Variants in ZNF469 observed in about 807,000 individuals in gnomAD.
The protein encoded by ZNF469 is zinc finger protein 469.
A neutral mutation model predicts 1.0 loss-of-function variants in ZNF469; 1 was observed. That is an observed-to-expected ratio of 1.00 (90% CI 0.35 to 4.73). ZNF469 has a LOEUF of 4.73. Among genes scored for constraint, ZNF469 ranks in the 30% most tolerant of loss-of-function variants. ZNF469 has a pLI of 0.16. For synonymous variants in ZNF469, 2,703 were observed against 2,363.4 expected (o/e 1.14, Z -4.17); for missense variants, 6,100 against 5,356.3 (o/e 1.14, Z -4.33).
At chr16:88,220,340 G>GGTTTT in the ZNF469 span, among the ~76,000 whole-genome samples, 1 of 152,200 alleles carries the variant, frequency 6.6e-6, no homozygotes, top group Non-Finnish European at 1.5e-5. Context: ...AAAACCTGGA[G>GGTTTT]AATTGTTTGT....
the ZNF469 span, among the ~76,000 whole-genome samples, chr16:88,343,428 G>A: frequency 1.8e-4 from 28 of 152,294 alleles, no homozygotes; most frequent in Admixed American, 1.4e-3. Flanking sequence ...AGAGCCGCCC[G>A]CCCACATGCA....
At position 88,430,950 on chromosome 16, in the gene ZNF469, G is replaced by C. The variant is rs747150324; in HGVS notation, c.3480G>C (p.Gly1160=). 229 of 1,535,812 alleles carry C rather than the reference G, an allele frequency of 1.5e-4. No individual in the cohort carries two copies. In the African/African-American group the frequency reaches 3.0e-3, roughly 20 times the overall value. Residue 1160 remains glycine, a synonymous_variant, in exon 3 of 3, where the codon GGG becomes GGC. Transcript: ENST00000565624. ...GAPANPEEPG[G]SRPGPGRSPQ... ...CCGCGAACCCCGAGGAGCCGGGCGG[G>C]TCTCGCCCGGGCCCCGGCAGGAGCC...
At chr16:88,260,583 CTT>C in the ZNF469 span, among the ~76,000 whole-genome samples, 1 of 152,160 alleles carries the variant, frequency 6.6e-6, no homozygotes, top group African/African-American at 2.4e-5. The surrounding 1 kb of genome is among the most constrained non-coding windows in gnomAD (Gnocchi z 4.1). Flanking sequence ...GGGCTTTACT[CTT>C]TTACAAAACT....
the ZNF469 span, among the ~76,000 whole-genome samples, chr16:88,309,097 G>A: frequency 0.029 from 4,396 of 152,234 alleles, 216 homozygotes; most frequent in East Asian, 0.16. Context: ...CTCCTGCCCC[G>A]GTTTTCTCAC....
chr16:88,169,846 C>T, the ZNF469 span, among the ~76,000 whole-genome samples: 2 of 152,234 alleles, frequency 1.3e-5, no homozygotes, highest in Non-Finnish European at 2.9e-5. This position sits in a 1 kb window ranked among gnomAD's most constrained non-coding sequence, Gnocchi z 6.1. Context: ...GGCCCCTCCG[C>T]CTCTGGCACA....
chr16:88,269,223 C>G, the ZNF469 span, among the ~76,000 whole-genome samples: 1 of 152,298 alleles, frequency 6.6e-6, no homozygotes, highest in Non-Finnish European at 1.5e-5. Context: ...CTGGGGCAAG[C>G]TGCATAATTT....
At chr16:88,241,600 G>A in the ZNF469 span, among the ~76,000 whole-genome samples, 4 of 152,248 alleles carry the variant, frequency 2.6e-5, no homozygotes, top group Admixed American at 6.5e-5. This position sits in a 1 kb window ranked among gnomAD's most constrained non-coding sequence, Gnocchi z 4.8. Flanking sequence ...GTCCTGGCAG[G>A]CGCTTGCAGA....
At chr16:88,129,812 C>T in the ZNF469 span, among the ~76,000 whole-genome samples, 160 of 152,334 alleles carry the variant, frequency 1.1e-3, no homozygotes, top group African/African-American at 3.2e-3. Flanking sequence ...GAGCCAAGAT[C>T]GTGCCATTGC....
Position 88,433,921 on chromosome 16 carries a change from C to A in ZNF469, c.6451C>A (p.Pro2151Thr), listed in dbSNP as rs1906380787. The A allele has an allele frequency of 1.9e-6, 3 of 1,549,452 alleles. No homozygotes were observed. The highest frequency in any genetic ancestry group is 2.6e-6 in the Non-Finnish European group (3 of 1,146,354). Residue 2151 changes from proline to threonine, a missense_variant, in exon 3 of 3, where the codon CCA becomes ACA. Transcript: ENST00000565624. The stretch of plus-strand genomic sequence containing the variant: ...CCAAGGTGGGCTGGGGGGGCAGCTG[C>A]CAGCATCTCCGTCCTGCAGGGACCC... The part of the protein sequence containing the change: ...RAQGGLGGQL[P>T]ASPSCRDPPG...
the ZNF469 span, among the ~76,000 whole-genome samples, chr16:88,239,715 A>T: frequency 0.02 from 136 of 6,754 alleles, 8 homozygotes; most frequent in African/African-American, 0.091. Flanking sequence ...ATATATATAT[A>T]TTTTTTTTTT....
At chr16:88,326,407 T>C in the ZNF469 span, among the ~76,000 whole-genome samples, 1 of 152,202 alleles carries the variant, frequency 6.6e-6, no homozygotes. Flanking sequence ...ACCTCTTTCT[T>C]TTGTAAGTTG....
At chr16:88,143,912 G>A in the ZNF469 span, among the ~76,000 whole-genome samples, 1 of 152,190 alleles carries the variant, frequency 6.6e-6, no homozygotes, top group Non-Finnish European at 1.5e-5. Flanking sequence ...TGTGTTCGCT[G>A]CCTTCCTCTT....
At chr16:88,352,275 C>T in the ZNF469 span, among the ~76,000 whole-genome samples, 25 of 152,308 alleles carry the variant, frequency 1.6e-4, no homozygotes, top group South Asian at 1.2e-3. Flanking sequence ...ATGGTGGCAG[C>T]GGTGAATTTT....
chr16:88,390,268 C>A (rs1286688799), intron 1 of ZNF469, among the ~76,000 whole-genome samples: 1 of 152,150 alleles, frequency 6.6e-6, no homozygotes, highest in Non-Finnish European at 1.5e-5. Context: ...GTGGCACCTT[C>A]CCCAGTTCTG....
In ZNF469 at chr16:88,439,133, A is replaced by G; in HGVS notation, c.11663A>G (p.Lys3888Arg). Residue 3888 changes from lysine (K) to arginine (R), a missense_variant, in exon 3 of 3, where the codon AAG (lysine) becomes AGG (arginine). Lys to Arg is a conservative substitution (Grantham distance 26). Transcript: ENST00000565624. Reference sequence around the variant, plus strand: ...GCAGAGCCGGGCCACACACAGAGGAAGGACAGACTGGGCAAGGCCTTCCCC... The same window carrying G: ...GCAGAGCCGGGCCACACACAGAGGAGGGACAGACTGGGCAAGGCCTTCCCC... ...RKAEPGHTQR[K>R]DRLGKAFPQG... 1 of 1,550,856 alleles carries G rather than the reference A, an allele frequency of 6.4e-7. No individual in the cohort carries two copies. The highest frequency in any genetic ancestry group is 8.7e-7 in the Non-Finnish European group (1 of 1,146,980).
At chr16:88,403,368 G>A (rs945471521) in intron 1 of ZNF469, among the ~76,000 whole-genome samples, 5 of 152,242 alleles carry the variant, frequency 3.3e-5, no homozygotes, top group African/African-American at 4.8e-5. Flanking sequence ...TCTGGGTTCC[G>A]TCTCGCACTT....
chr16:88,291,647 G>A, the ZNF469 span, among the ~76,000 whole-genome samples: 2 of 152,018 alleles, frequency 1.3e-5, no homozygotes, highest in East Asian at 3.9e-4. Flanking sequence ...TACACCCCAT[G>A]CAGACGCCCC....
chr16:88,432,240 A>G lies in ZNF469; in HGVS notation c.4770A>G (p.Glu1590=). Residue 1590 remains glutamate (E), a synonymous_variant, in exon 3 of 3, where the codon GAA becomes GAG. Transcript: ENST00000565624. The part of the protein sequence containing the change: ...DTRGAPRELA[E]AESVGRVELG... ...GTGGGGCCCCGAGAGAGCTTGCAGA[A>G]GCTGAGTCGGTGGGCAGGGTGGAGC... is the stretch of plus-strand genomic sequence containing the variant. 6.5e-7 allele frequency: 1 copy of G among 1,549,152 alleles called. No homozygotes were observed. Among genetic ancestry groups the G allele is most frequent in the South Asian group, 1.2e-5 (1 of 84,064 alleles).
chr16:88,436,842 C>A lies in ZNF469; in HGVS notation c.9372C>A (p.Phe3124Leu), dbSNP rs1284024553. The A allele has an allele frequency of 6.5e-7, 1 of 1,533,352 alleles. No homozygotes were observed. Among genetic ancestry groups the A allele is most frequent in the East Asian group, 2.5e-5 (1 of 40,760 alleles). 95.0% of individuals were successfully genotyped at this position (1,533,352 alleles called of 1,614,324 possible). ...AGTGCAAAGTGTGCTTCCAGCGCTT[C>A]CGCAGCCTGGGCGAGCTGGACCTGC... is the stretch of plus-strand genomic sequence containing the variant. ...SYKCKVCFQRFRSLGELDLHK... is the reference protein window; with the variant it reads ...SYKCKVCFQRLRSLGELDLHK... The change falls in exon 3 of 3, where the codon TTC becomes TTA. Residue 3124 changes from phenylalanine (F) to leucine (L), a missense_variant. By Grantham distance (22) the Phe-to-Leu change is conservative. Coordinates refer to ENST00000565624, the MANE Select transcript of ZNF469 (RefSeq NM_001367624.2).
Sources: gnomAD v4.1 joint callset for allele counts (sites outside exome capture counted in the v4.1 genomes callset) on GRCh38, gnomAD v4.1.1 for gene constraint, Gnocchi (gnomAD v3.1) non-coding constraint, MANE v1.5 for transcripts, NCBI Gene and HGNC (gene_info 2026-07-23, HGNC 2026-07-21) for gene names.